The following ZSWIM5 variants were observed in gnomAD, a reference collection of about 807,000 sequenced individuals.
ZSWIM5 encodes the protein zinc finger SWIM-type containing 5, also known as zinc finger SWIM domain-containing protein 5.
Under a neutral mutation model 119.6 loss-of-function variants are expected in ZSWIM5, and 55 were observed. The ratio of observed to expected loss-of-function variants is 0.46; its 90% CI spans 0.37 to 0.58. The LOEUF is 0.58. Among genes scored for constraint, ZSWIM5 ranks in the 20% least tolerant of loss-of-function variants. The probability of loss-of-function intolerance (pLI) is 0.00; values close to 1 mark genes in which losing one functional copy is unlikely to be tolerated. For synonymous variants in ZSWIM5, 537 were observed against 606.9 expected (o/e 0.88, Z 1.69); for missense variants, 1,193 against 1,512.8 (o/e 0.79, Z 3.51).
At chr1:45,116,269 G>A (rs1165009210) in intron 1 of ZSWIM5, among the ~76,000 whole-genome samples, 3 of 152,172 alleles carry the variant, frequency 2.0e-5, no homozygotes, top group East Asian at 1.9e-4. Flanking sequence ...ATAAGGAACT[G>A]GTTGCAATTC....
chr1:45,037,880 G>A (rs10736425), intron 8 of ZSWIM5, among the ~76,000 whole-genome samples: 80,910 of 152,084 alleles, frequency 0.53, 22,111 homozygotes, highest in Middle Eastern at 0.67. Context: ...AAAAGTCAAA[G>A]TCTTGGTTTC....
At chr1:45,085,066 C>T (rs1645318249) in intron 2 of ZSWIM5, among the ~76,000 whole-genome samples, 1 of 152,246 alleles carries the variant, frequency 6.6e-6, no homozygotes, top group Non-Finnish European at 1.5e-5. Flanking sequence ...TTCCATACAT[C>T]CTCTGAAATC....
At chr1:45,040,347 T>G in intron 7 of ZSWIM5, 45 bp downstream of exon 7, 3 of 1,515,726 alleles carry the variant, frequency 2.0e-6, no homozygotes, top group Non-Finnish European at 2.7e-6. Context: ...AGGATCCTCA[T>G]CAGCTTTGGG....
At chr1:45,128,393 C>T (rs564857634) in intron 1 of ZSWIM5, among the ~76,000 whole-genome samples, 1 of 152,022 alleles carries the variant, frequency 6.6e-6, no homozygotes, top group East Asian at 1.9e-4. Context: ...GAGACAGGGT[C>T]TCATTATGTT....
chr1:45,145,131 G>GA (rs1421587950), intron 1 of ZSWIM5, among the ~76,000 whole-genome samples: 1 of 152,026 alleles, frequency 6.6e-6, no homozygotes, highest in Non-Finnish European at 1.5e-5. Flanking sequence ...ACATACCAGT[G>GA]AAAATGAGTA....
rs527290832 is a variant in ZSWIM5 at position 45,174,816 on chromosome 1, ACAGTT to A, written c.595+30935_595+30939del. ...TCAAACTTACAGAAAAGTTGCAAGT[ACAGTT>A]CAAATAATTTTTAAATGAGTTATTG... is the stretch of plus-strand genomic sequence containing the variant. On this transcript the variant is annotated intron_variant, in intron 1 of 13. Coordinates refer to ENST00000359600, the MANE Select transcript of ZSWIM5 (RefSeq NM_020883.2). Among the ~76,000 whole-genome samples the A allele has an allele frequency of 6.8e-3, 1,034 of 152,218 alleles. 21 individuals carry two copies. The highest frequency in any genetic ancestry group is 0.024 in the African/African-American group (1,002 of 41,558).
intron 11 of ZSWIM5, among the ~76,000 whole-genome samples, chr1:45,026,261 C>CT (rs1320431287): frequency 2.6e-5 from 4 of 152,060 alleles, no homozygotes; most frequent in African/African-American, 9.7e-5. Flanking sequence ...TCTTGAACTC[C>CT]CAGGCTCAAG....
At chr1:45,204,574 C>T (rs1360365675) in intron 1 of ZSWIM5, among the ~76,000 whole-genome samples, 1 of 152,114 alleles carries the variant, frequency 6.6e-6, no homozygotes, top group Admixed American at 6.5e-5. Context: ...TAACCAGAAG[C>T]AGATTACTTT....
At chr1:45,060,299 A>G (rs1265771163) in intron 2 of ZSWIM5, 52 bp from the exon 3 acceptor site, 1 of 1,585,016 alleles carries the variant, frequency 6.3e-7, no homozygotes, top group Non-Finnish European at 8.6e-7. Context: ...CATGCTACAC[A>G]TTCAGCTGGA....
At chr1:45,052,001 A>ATTT (rs5773861) in intron 4 of ZSWIM5, among the ~76,000 whole-genome samples, 10 of 143,254 alleles carry the variant, frequency 7.0e-5, no homozygotes, top group South Asian at 6.6e-4. Context: ...CTTTCTTGGG[A>ATTT]TTTTTTTTTT....
intron 11 of ZSWIM5, among the ~76,000 whole-genome samples, chr1:45,025,905 T>A (rs1644917835): frequency 6.6e-6 from 1 of 152,208 alleles, no homozygotes; most frequent in African/African-American, 2.4e-5. Context: ...TATTTCCTTT[T>A]CCTATCTTAT....
chr1:45,068,423 A>G (rs1471903392), intron 2 of ZSWIM5, among the ~76,000 whole-genome samples: 1 of 151,884 alleles, frequency 6.6e-6, no homozygotes, highest in East Asian at 1.9e-4. Flanking sequence ...GGTAATTTAA[A>G]AATTTTAATG....
chr1:45,137,808 AT>A (rs1645698832), intron 1 of ZSWIM5, among the ~76,000 whole-genome samples: 1 of 152,162 alleles, frequency 6.6e-6, no homozygotes, highest in South Asian at 2.1e-4. Flanking sequence ...ATTGTATGGA[AT>A]TTGGCTTTCA....
At chr1:45,158,714 T>C (rs920271253) in intron 1 of ZSWIM5, among the ~76,000 whole-genome samples, 4 of 152,194 alleles carry the variant, frequency 2.6e-5, no homozygotes, top group Non-Finnish European at 5.9e-5. Context: ...TAAATGTCAG[T>C]TCTATAATGT....
In ZSWIM5 at chr1:45,040,510, A is replaced by G. The variant is rs1203803128; in HGVS notation, c.1638T>C (p.Val546=). The G allele has an allele frequency of 1.2e-6, 2 of 1,611,620 alleles. No individual in the cohort carries two copies. ...GATAACCATGGGAACGCAGGGCGTC[A>G]ACTCGAGCACAGGCTGTAGGCACAT... ...LEHVPTACAR[V]DALRSHGYPK... Residue 546 remains valine, a synonymous_variant, in exon 7 of 14, where the codon GTT becomes GTC. Coordinates refer to ENST00000359600, the MANE Select transcript of ZSWIM5 (RefSeq NM_020883.2).
intron 1 of ZSWIM5, among the ~76,000 whole-genome samples, chr1:45,113,138 C>T (rs1279023670): frequency 6.6e-6 from 1 of 152,144 alleles, no homozygotes; most frequent in East Asian, 1.9e-4. Flanking sequence ...GGGCACAATT[C>T]TAACACTTGT....
rs1645895493 is a variant in ZSWIM5 at position 45,165,482 on chromosome 1, G to A, written c.595+40274C>T. Among the ~76,000 whole-genome samples the A allele has an allele frequency of 1.3e-5, 2 of 152,182 alleles. 1 individual carries two copies. Among genetic ancestry groups the A allele is most frequent in the South Asian group, 4.1e-4 (2 of 4,822 alleles). ...AACTAAGGTCAGAGCAGAACTGAAG[G>A]AGATAGAGACACAAAAAACCCTTCA... On this transcript the variant is annotated intron_variant, in intron 1 of 13. Transcript: ENST00000359600.
intron 1 of ZSWIM5, among the ~76,000 whole-genome samples, chr1:45,123,618 G>A: frequency 6.6e-6 from 1 of 152,140 alleles, no homozygotes; most frequent in East Asian, 1.9e-4. Context: ...TCAGGGACCT[G>A]TCAGACTACA....
intron 11 of ZSWIM5, among the ~76,000 whole-genome samples, chr1:45,029,646 C>T (rs529547907): frequency 2.0e-5 from 3 of 152,274 alleles, no homozygotes; most frequent in Non-Finnish European, 2.9e-5. Flanking sequence ...ATTGATATTT[C>T]CCGACTGCAG....
Sources: gnomAD v4.1 joint callset for allele counts (sites outside exome capture counted in the v4.1 genomes callset) on GRCh38, gnomAD v4.1.1 for gene constraint, MANE v1.5 for transcripts, NCBI Gene and HGNC (gene_info 2026-07-23, HGNC 2026-07-21) for gene names.